PPFIBP2: variants seen among roughly 807,000 people sequenced by gnomAD.
The protein encoded by PPFIBP2 is liprin-beta-2.
A neutral mutation model predicts 118.3 loss-of-function variants in PPFIBP2; 118 were observed. The observed-to-expected ratio is 1.00, with a 90% confidence interval of 0.86 to 1.16. The LOEUF (loss-of-function observed/expected upper bound fraction) is 1.16, where lower values mean the gene tolerates loss of function less well. Among genes scored for constraint, PPFIBP2 ranks in the 50% most tolerant of loss-of-function variants. The probability of loss-of-function intolerance (pLI) is 0.00; values close to 1 mark genes in which losing one functional copy is unlikely to be tolerated. For synonymous variants in PPFIBP2, 414 were observed against 397.4 expected, an observed-to-expected ratio of 1.04 and a Z score of -0.50; for missense variants, 1,195 against 1,073.1, an observed-to-expected ratio of 1.11 and a Z score of -1.59.
chr11:7,651,573 C>A, intron 22 of PPFIBP2, 83 bp from the exon 23 acceptor site: 1 of 1,323,412 alleles, frequency 7.6e-7, no homozygotes, highest in South Asian at 1.4e-5. Context: ...ACCCCCAGCC[C>A]CAACAGGCCA....
Position 7,649,666 on chromosome 11 carries a change from A to T in PPFIBP2, c.2121+12A>T. The stretch of plus-strand genomic sequence containing the variant: ...GGCCAGCTGATGAGGTGAGACCACA[A>T]ATAGTATCTCTCCAGGTAGCCCTGA... On this transcript the variant is annotated intron_variant, in intron 21 of 23. Transcript: ENST00000299492. 1.2e-6 allele frequency: 2 copies of T among 1,614,208 alleles called. No homozygotes were observed. Among genetic ancestry groups the T allele is most frequent in the Non-Finnish European group, 1.7e-6 (2 of 1,180,026 alleles).
intron 3 of PPFIBP2, among the ~76,000 whole-genome samples, chr11:7,589,743 C>T (rs751268374): frequency 6.6e-6 from 1 of 152,182 alleles, no homozygotes; most frequent in African/African-American, 2.4e-5. Context: ...ACTGCTCTAT[C>T]GCTGACTTAC....
Position 7,653,335 on chromosome 11 carries a change from A to G in PPFIBP2, c.*117A>G. On this transcript the variant is annotated 3_prime_UTR_variant, in exon 24 of 24. Transcript: ENST00000299492. ...CATGACTCGCAGAGAATATTCCAGC[A>G]ATTGTGTACCCCTGGGCCAGTCTCT... The G allele has an allele frequency of 6.6e-7, 1 of 1,509,096 alleles. No homozygotes were observed. 93.5% of individuals were successfully genotyped at this position (1,509,096 alleles called of 1,614,324 possible).
chr11:7,539,205 C>T lies in PPFIBP2; in HGVS notation c.-36-10235C>T, dbSNP rs1402674870. 3.3e-5 allele frequency: 5 copies of T among 152,482 alleles called. No homozygotes were observed. In the East Asian group the frequency reaches 9.6e-4, roughly 29 times the overall value. The allele number at this position is 152,482 out of a possible 1,614,324, so 9.4% of individuals were successfully genotyped here. Reference sequence around the variant, plus strand: ...TCAGCAACTCTGATAGCAACGTTCTCAGCAGCCTGGCCCCTCTGTCCTGCT... The same window carrying T: ...TCAGCAACTCTGATAGCAACGTTCTTAGCAGCCTGGCCCCTCTGTCCTGCT... On this transcript the variant is annotated intron_variant, in intron 1 of 23. Transcript: ENST00000299492.
chr11:7,665,605 AG>A, the PPFIBP2 span: 5 of 1,519,564 alleles, frequency 3.3e-6, no homozygotes, highest in Non-Finnish European at 1.8e-6. Context: ...TCCTGATCCC[AG>A]GCCGCCTGCA....
At chr11:7,539,593 C>T (rs564425475) in intron 1 of PPFIBP2, 1 of 152,484 alleles carries the variant, frequency 6.6e-6, no homozygotes, top group South Asian at 2.1e-4. Flanking sequence ...GAGCTGAGCT[C>T]CGGGGTCAGA....
intron 5 of PPFIBP2, among the ~76,000 whole-genome samples, chr11:7,609,223 T>C (rs967779281): frequency 1.3e-5 from 2 of 152,180 alleles, no homozygotes; most frequent in Non-Finnish European, 2.9e-5. Context: ...AGTCAGAGTG[T>C]TGAGATTGCC....
chr11:7,577,199 G>T, intron 3 of PPFIBP2: 1 of 190,280 alleles, frequency 5.3e-6, no homozygotes. Context: ...GTGTGTGCGT[G>T]TGTGTCATGT....
intron 1 of PPFIBP2, among the ~76,000 whole-genome samples, chr11:7,533,763 T>A (rs1365200349): frequency 1.3e-5 from 2 of 152,136 alleles, no homozygotes; most frequent in Non-Finnish European, 2.9e-5. Context: ...GGTATTTCTG[T>A]ATGCGAGGGT....
rs145494599 is a variant in PPFIBP2 at position 7,651,843 on chromosome 11, G to A, written c.2435G>A (p.Arg812Gln). The change falls in exon 23 of 24, where the codon CGG becomes CAG. Residue 812 changes from arginine to glutamine, a missense_variant and splice_region_variant. Physicochemically the swap from Arg to Gln is conservative, Grantham distance 43. Transcript: ENST00000299492. Reference protein sequence around the residue: ...YTPLTTTAKVRPRKLGFSHFG... With the variant: ...YTPLTTTAKVQPRKLGFSHFG... ...CCACTGACCACCACAGCCAAAGTCCGGGTGAGTTGCAGAGCCTTTCTGGGT... is the reference window on the plus strand; with the variant it reads ...CCACTGACCACCACAGCCAAAGTCCAGGTGAGTTGCAGAGCCTTTCTGGGT... 407 of 1,607,498 alleles carry A rather than the reference G, an allele frequency of 2.5e-4. No individual in the cohort carries two copies. Among genetic ancestry groups the A allele is most frequent in the Non-Finnish European group, 3.3e-4 (393 of 1,174,910 alleles).
chr11:7,653,496 C>G lies in PPFIBP2; in HGVS notation c.*278C>G. On this transcript the variant is annotated 3_prime_UTR_variant, in exon 24 of 24. Coordinates refer to ENST00000299492, the MANE Select transcript of PPFIBP2 (RefSeq NM_003621.5). The stretch of plus-strand genomic sequence containing the variant: ...ATGTCTAGTAATTCTTGATGTTCAT[C>G]TTCAGCACCAGTGGAAACACATGAA... 1.4e-6 allele frequency: 2 copies of G among 1,405,930 alleles called. No individual in the cohort carries two copies. Among genetic ancestry groups the G allele is most frequent in the Non-Finnish European group, 1.9e-6 (2 of 1,064,714 alleles). 87.1% of individuals were successfully genotyped at this position (1,405,930 alleles called of 1,614,324 possible).
chr11:7,589,881 AG>A (rs1419381055), intron 3 of PPFIBP2, among the ~76,000 whole-genome samples: 12 of 152,364 alleles, frequency 7.9e-5, no homozygotes, highest in African/African-American at 2.6e-4. Context: ...TTGTTGACCA[AG>A]CAAGCTGTCT....
intron 1 of PPFIBP2, among the ~76,000 whole-genome samples, chr11:7,548,795 G>A (rs1206185844): frequency 1.3e-5 from 2 of 152,118 alleles, no homozygotes; most frequent in Admixed American, 6.5e-5. Flanking sequence ...ACCTCAAATC[G>A]TGCTGGGTAG....
In PPFIBP2 at chr11:7,628,168, C is replaced by T. The variant is rs1850272616; in HGVS notation, c.827-117C>T. Reference sequence around the variant, plus strand: ...ACACCATCCCGGCCTCTTTAAAGAACTAAAGGAGCCATGTTCACATGGCAA... The same window carrying T: ...ACACCATCCCGGCCTCTTTAAAGAATTAAAGGAGCCATGTTCACATGGCAA... On this transcript the variant is annotated intron_variant, in intron 8 of 23. Transcript: ENST00000299492. 5 of 805,664 alleles carry T rather than the reference C, an allele frequency of 6.2e-6. No individual in the cohort carries two copies. In the South Asian group the frequency reaches 9.4e-5, roughly 15 times the overall value. The allele number at this position is 805,664 out of a possible 1,614,324, so 49.9% of individuals were successfully genotyped here.
chr11:7,657,858 C>T (rs903604712), downstream of PPFIBP2, among the ~76,000 whole-genome samples: 3 of 152,212 alleles, frequency 2.0e-5, no homozygotes, highest in Non-Finnish European at 4.4e-5. Context: ...GTCGTCTTAC[C>T]ATACCCGTCC....
chr11:7,514,711 C>T (rs1849077905), intron 1 of PPFIBP2, among the ~76,000 whole-genome samples: 1 of 152,244 alleles, frequency 6.6e-6, no homozygotes, highest in Admixed American at 6.5e-5. Context: ...GGGCTCCCTC[C>T]TCACCTCATC....
At chr11:7,621,605 T>C (rs1849364632) in intron 7 of PPFIBP2, among the ~76,000 whole-genome samples, 1 of 152,228 alleles carries the variant, frequency 6.6e-6, no homozygotes, top group East Asian at 1.9e-4. Context: ...CTTCTTTTCC[T>C]ATACTAAAGT....
At chr11:7,517,177 T>C (rs923033462) in intron 1 of PPFIBP2, among the ~76,000 whole-genome samples, 1 of 152,278 alleles carries the variant, frequency 6.6e-6, no homozygotes, top group Non-Finnish European at 1.5e-5. Context: ...AAGATTACTG[T>C]CCCTACCAGG....
intron 5 of PPFIBP2, among the ~76,000 whole-genome samples, chr11:7,602,087 C>CAAAAAAAAAAA (rs201003988): frequency 7.1e-5 from 4 of 56,180 alleles, no homozygotes; most frequent in East Asian, 4.3e-4. Flanking sequence ...GAATGAAACT[C>CAAAAAAAAAAA]AAAAAAAAAA....
Sources: gnomAD v4.1 joint callset for allele counts (sites outside exome capture counted in the v4.1 genomes callset) on GRCh38, gnomAD v4.1.1 for gene constraint, MANE v1.5 for transcripts, NCBI Gene and HGNC (gene_info 2026-07-23, HGNC 2026-07-21) for gene names.